Variants in SPTLC3 observed in about 807,000 individuals in gnomAD.
SPTLC3 encodes the protein serine palmitoyltransferase long chain base subunit 3, also known as serine palmitoyltransferase 3.
A neutral mutation model predicts 59.3 loss-of-function variants in SPTLC3; 36 were observed. The ratio of observed to expected loss-of-function variants is 0.61; its 90% CI spans 0.47 to 0.80. The LOEUF (loss-of-function observed/expected upper bound fraction) is 0.80. Ranked by LOEUF, SPTLC3 falls within the 30% of genes least tolerant of loss-of-function variation. The pLI is 0.00. For synonymous variants in SPTLC3, 257 were observed against 240.8 expected (o/e 1.07, Z -0.62); for missense variants, 625 against 685.1 (o/e 0.91, Z 0.98).
At chr20:13,073,255 A>C (rs1011449724) in intron 3 of SPTLC3, among the ~76,000 whole-genome samples, 1 of 152,020 alleles carries the variant, frequency 6.6e-6, no homozygotes, top group African/African-American at 2.4e-5. Flanking sequence ...CTCTCCCTTC[A>C]TGAGATCTGC....
intron 2 of SPTLC3, 79 bp from the exon 3 acceptor site, chr20:13,072,177 G>T (rs1988463394): frequency 2.1e-5 from 31 of 1,458,062 alleles, no homozygotes; most frequent in Non-Finnish European, 2.5e-5. Context: ...GCTCTTCCAG[G>T]TCTTCTTCCC....
chr20:13,018,754 T>G (rs1393881625), intron 1 of SPTLC3, among the ~76,000 whole-genome samples: 1 of 152,202 alleles, frequency 6.6e-6, no homozygotes, highest in Non-Finnish European at 1.5e-5. Context: ...TTGCAAGAAG[T>G]CAACTATGCT....
intron 2 of SPTLC3, chr20:13,050,748 A>C (rs1425411967): frequency 6.6e-6 from 1 of 152,204 alleles, no homozygotes; most frequent in Non-Finnish European, 1.5e-5. Context: ...CCTACAAGCT[A>C]AGACAGAATT....
chr20:13,129,564 A>G (rs1024333834), intron 9 of SPTLC3, among the ~76,000 whole-genome samples: 1 of 152,232 alleles, frequency 6.6e-6, no homozygotes, highest in African/African-American at 2.4e-5. Flanking sequence ...ACTAGGAAAA[A>G]GTTATTCTAG....
intron 9 of SPTLC3, among the ~76,000 whole-genome samples, chr20:13,145,982 T>A (rs2038500748): frequency 6.6e-6 from 1 of 152,232 alleles, no homozygotes; most frequent in South Asian, 2.1e-4. Context: ...ATGCGAATGT[T>A]CCTTGCAGCA....
intron 11 of SPTLC3, among the ~76,000 whole-genome samples, chr20:13,163,194 C>G (rs1211416286): frequency 6.6e-6 from 1 of 151,632 alleles, no homozygotes; most frequent in Non-Finnish European, 1.5e-5. Flanking sequence ...ATGGTGAAAC[C>G]CCATCTCTAC....
At chr20:13,089,802 A>C (rs1371273639) in intron 4 of SPTLC3, among the ~76,000 whole-genome samples, 1 of 149,732 alleles carries the variant, frequency 6.7e-6, no homozygotes, top group Non-Finnish European at 1.5e-5. Context: ...AAAAAAAAAA[A>C]AACAAAACAA....
intron 6 of SPTLC3, 49 bp downstream of exon 6, chr20:13,093,626 A>G (rs747959469): frequency 9.1e-6 from 14 of 1,545,800 alleles, no homozygotes; most frequent in Admixed American, 1.7e-5. Context: ...CTCCTAGAAG[A>G]AAGTAAAGAT....
chr20:13,102,513 C>T (rs548773818), intron 6 of SPTLC3, among the ~76,000 whole-genome samples: 47 of 152,290 alleles, frequency 3.1e-4, no homozygotes, highest in East Asian at 9.7e-4. Context: ...AAGCATGACA[C>T]GCTACCTCCT....
intron 6 of SPTLC3, among the ~76,000 whole-genome samples, chr20:13,107,668 C>T (rs934374572): frequency 5.3e-5 from 8 of 152,142 alleles, no homozygotes; most frequent in African/African-American, 1.2e-4. Context: ...TCTTCTTTCA[C>T]GGGTCCTTAC....
intron 1 of SPTLC3, among the ~76,000 whole-genome samples, chr20:13,015,778 AC>A: frequency 6.6e-6 from 1 of 152,284 alleles, no homozygotes; most frequent in African/African-American, 2.4e-5. Context: ...TTCTATTAGT[AC>A]ATGAACAGAT....
intron 4 of SPTLC3, among the ~76,000 whole-genome samples, chr20:13,081,853 GA>G (rs1988851219): frequency 6.6e-6 from 1 of 152,152 alleles, no homozygotes; most frequent in Admixed American, 6.5e-5. Flanking sequence ...TTTCTTTTAA[GA>G]GTATGTTTCA....
intron 8 of SPTLC3, among the ~76,000 whole-genome samples, chr20:13,119,749 G>T (rs1364149868): frequency 6.6e-6 from 1 of 152,140 alleles, no homozygotes; most frequent in Admixed American, 6.5e-5. Flanking sequence ...GTTAGCCTAC[G>T]CTGAGATCTG....
At chr20:13,061,039 T>C (rs1220079469) in intron 2 of SPTLC3, among the ~76,000 whole-genome samples, 1 of 152,214 alleles carries the variant, frequency 6.6e-6, no homozygotes, top group Non-Finnish European at 1.5e-5. Context: ...CCATACTGTT[T>C]TCCATAGAAG....
chr20:13,155,335 G>T (rs574843778), intron 10 of SPTLC3, among the ~76,000 whole-genome samples: 1 of 152,238 alleles, frequency 6.6e-6, no homozygotes, highest in African/African-American at 2.4e-5. Context: ...CCCATTGCTG[G>T]AACTTTCTGT....
Position 13,117,657 on chromosome 20 carries a change from G to A in SPTLC3, c.1084G>A (p.Val362Ile), listed in dbSNP as rs1264759806. The change falls in exon 8 of 12, where the codon GTT (valine) becomes ATT (isoleucine). Residue 362 changes from valine (V) to isoleucine (I), a missense_variant. Coordinates refer to ENST00000399002, the MANE Select transcript of SPTLC3 (RefSeq NM_018327.4). ...GTTCTTTGGACTAGACCCTCATGAA[G>A]TTGATGTGCTCATGGGCACATTCAC... ...TEFFGLDPHE[V>I]DVLMGTFTKS... is the part of the protein sequence containing the mutation. The A allele has an allele frequency of 1.2e-6, 2 of 1,614,088 alleles. No homozygotes were observed. Among genetic ancestry groups the A allele is most frequent in the Non-Finnish European group, 8.5e-7 (1 of 1,179,948 alleles).
intron 9 of SPTLC3, among the ~76,000 whole-genome samples, chr20:13,141,331 C>G (rs1263427683): frequency 6.6e-6 from 1 of 152,136 alleles, no homozygotes; most frequent in African/African-American, 2.4e-5. Context: ...TGTCTCTTCT[C>G]TAGGGAAGAG....
intron 4 of SPTLC3, among the ~76,000 whole-genome samples, chr20:13,086,051 AG>A: frequency 6.6e-6 from 1 of 152,312 alleles, no homozygotes; most frequent in Middle Eastern, 3.4e-3. Flanking sequence ...ACAGAGAAAC[AG>A]AAAAAAAAAT....
At chr20:13,132,385 C>T (rs1409223552) in intron 9 of SPTLC3, among the ~76,000 whole-genome samples, 3 of 151,912 alleles carry the variant, frequency 2.0e-5, no homozygotes, top group South Asian at 2.1e-4. Context: ...CCATGTTGGC[C>T]GGGCTGATCT....
Sources: gnomAD v4.1 joint callset for allele counts (sites outside exome capture counted in the v4.1 genomes callset) on GRCh38, gnomAD v4.1.1 for gene constraint, MANE v1.5 for transcripts, NCBI Gene and HGNC (gene_info 2026-07-23, HGNC 2026-07-21) for gene names.